TNS2: variants seen among roughly 807,000 people sequenced by gnomAD.
The protein encoded by TNS2 is tensin-2.
In TNS2, 77 loss-of-function variants were observed where a neutral mutation model predicts 155.7. The observed-to-expected ratio is 0.49, with a 90% CI of 0.41 to 0.60. The LOEUF (loss-of-function observed/expected upper bound fraction) is 0.60, where lower values mean the gene tolerates loss of function less well. Ranked by LOEUF, TNS2 falls within the 20% of genes least tolerant of loss-of-function variation. The probability of loss-of-function intolerance (pLI) is 0.00; values close to 1 mark genes in which losing one functional copy is unlikely to be tolerated. For synonymous variants in TNS2, 726 were observed against 763.9 expected (o/e 0.95, Z 0.82); for missense variants, 1,703 against 1,868.8 (o/e 0.91, Z 1.64).
rs61929184 is a variant in TNS2, at chr12:53,063,192, G to A, written c.3927G>A (p.Pro1309=). ...SSAALSCSPR[P]TPAVVHFKVS... ...CAGCTCTGAGCTGTAGCCCCCGCCCGACACCAGCTGTTGTCCACTTCAAGG... is the reference window on the plus strand; with the variant it reads ...CAGCTCTGAGCTGTAGCCCCCGCCCAACACCAGCTGTTGTCCACTTCAAGG... Residue 1309 remains proline (P), a synonymous_variant, in exon 26 of 29, where the codon CCG becomes CCA. Transcript: ENST00000314250. This position sits in a 1 kb window ranked among gnomAD's most constrained non-coding sequence, Gnocchi z 5.6. 61 of 1,612,390 alleles carry A rather than the reference G, an allele frequency of 3.8e-5. 1 individual carries two copies. Among genetic ancestry groups the A allele is most frequent in the African/African-American group, 5.3e-5 (4 of 74,836 alleles).
chr12:53,058,201 T>C, intron 14 of TNS2, 99 bp downstream of exon 14: 1 of 1,607,048 alleles, frequency 6.2e-7, no homozygotes, highest in Non-Finnish European at 8.5e-7. Context: ...GGAGAGCGAG[T>C]AGGGAGATCA....
upstream of TNS2, chr12:53,049,936 A>C: frequency 1.1e-6 from 1 of 904,244 alleles, no homozygotes; most frequent in Non-Finnish European, 1.6e-6. Flanking sequence ...CCAGCAGGGT[A>C]GATCCTGGGA....
At chr12:53,049,217 G>A (rs1331889980), upstream of TNS2, 1 of 1,605,728 alleles carries the variant, frequency 6.2e-7, no homozygotes. Flanking sequence ...CAGCTGCTGA[G>A]GAAGGAGAGC....
rs552603857 is a variant in TNS2 at position 53,058,397 on chromosome 12, G to A, written c.1177G>A (p.Gly393Arg). The A allele has an allele frequency of 1.9e-5, 31 of 1,614,022 alleles. No individual in the cohort carries two copies. Among genetic ancestry groups the A allele is most frequent in the Middle Eastern group, 1.6e-4 (1 of 6,084 alleles). The change falls in exon 15 of 29, where the codon GGA becomes AGA. Residue 393 changes from glycine to arginine, a missense_variant. Gly to Arg is a moderately radical substitution (Grantham distance 125). Transcript: ENST00000314250. ...RVQFHTCTIH[G>R]PQLTFPKDQL... is the part of the protein sequence containing the mutation. Reference sequence around the variant, plus strand: ...CCAGTTCCACACCTGCACCATCCACGGACCACAGCTCACTTTCCCCAAGGA... The same window carrying A: ...CCAGTTCCACACCTGCACCATCCACAGACCACAGCTCACTTTCCCCAAGGA...
Position 53,054,274 on chromosome 12 carries a change from T to G in TNS2, c.355T>G (p.Phe119Val). 6.2e-7 allele frequency: 1 copy of G among 1,612,754 alleles called. No individual in the cohort carries two copies. Among genetic ancestry groups the G allele is most frequent in the Non-Finnish European group, 8.5e-7 (1 of 1,179,828 alleles). ...GCGTAGGCTCCTCCTCCCCAGGAGCTTCAGCCTGGACCCGCTCATGGAGCG... is the reference window on the plus strand; with the variant it reads ...GCGTAGGCTCCTCCTCCCCAGGAGCGTCAGCCTGGACCCGCTCATGGAGCG... ...SKQRSTLPRS[F>V]SLDPLMERRW... Residue 119 changes from phenylalanine (F) to valine (V), a missense_variant, in exon 7 of 29, where the codon TTC (phenylalanine) becomes GTC (valine). By Grantham distance (50) the Phe-to-Val change is conservative. Transcript: ENST00000314250.
chr12:53,059,957 G>A lies in TNS2; in HGVS notation c.2316G>A (p.Met772Ile). ...GGCACGAGGGCTGCTCCTACACCAT[G>A]TGCCCCGAAGGCAGGTATGGGCATC... ...EEGHEGCSYT[M>I]CPEGRYGHPG... is the part of the protein sequence containing the mutation. The change falls in exon 18 of 29, where the codon ATG becomes ATA. Residue 772 changes from methionine to isoleucine, a missense_variant. By Grantham distance (10) the Met-to-Ile change is conservative. Coordinates refer to ENST00000314250, the MANE Select transcript of TNS2 (RefSeq NM_170754.4). This position sits in a 1 kb window ranked among gnomAD's most constrained non-coding sequence, Gnocchi z 4.7. 1 of 1,612,810 alleles carries A rather than the reference G, an allele frequency of 6.2e-7. No homozygotes were observed. Among genetic ancestry groups the A allele is most frequent in the Non-Finnish European group, 8.5e-7 (1 of 1,179,690 alleles).
At chr12:53,053,698 C>G in intron 4 of TNS2, 76 bp from the exon 5 acceptor site, 1 of 1,580,884 alleles carries the variant, frequency 6.3e-7, no homozygotes, top group Non-Finnish European at 8.6e-7. Flanking sequence ...TTCCCTTCCC[C>G]TGTCCCCAAG....
upstream of TNS2, chr12:53,049,752 C>T (rs1446716609): frequency 7.6e-6 from 2 of 264,674 alleles, no homozygotes; most frequent in East Asian, 2.8e-4. Context: ...CTGTTCCCCA[C>T]TTGCCCTTTA....
At chr12:53,048,976 C>G, upstream of TNS2, 1 of 531,212 alleles carries the variant, frequency 1.9e-6, no homozygotes, top group Non-Finnish European at 3.3e-6. Flanking sequence ...ACAGCTATAG[C>G]CTGTCCCAGG....
chr12:53,064,000 TGAG>T lies in TNS2; in HGVS notation c.*122_*124del. ...AGGAGAAAGCACCCTCCCTTAGGAATGAGGAGTGGGCATCAGGCCTGGGACACT... is the reference window on the plus strand; with the variant it reads ...AGGAGAAAGCACCCTCCCTTAGGAATGAGTGGGCATCAGGCCTGGGACACT... On this transcript the variant is annotated 3_prime_UTR_variant, in exon 29 of 29. Coordinates refer to ENST00000314250, the MANE Select transcript of TNS2 (RefSeq NM_170754.4). The surrounding 1 kb of genome is among the most constrained non-coding windows in gnomAD (Gnocchi z 5.6). 8 of 1,181,494 alleles carry T rather than the reference TGAG, an allele frequency of 6.8e-6. 1 individual carries two copies. In the South Asian group the frequency reaches 1.2e-4, roughly 18 times the overall value. 73.2% of individuals were successfully genotyped at this position (1,181,494 alleles called of 1,614,324 possible). A position where few individuals can be genotyped will look rare whatever the true frequency, so the allele number is the denominator to read the frequency against.
At chr12:53,057,192 T>A in intron 11 of TNS2, 96 bp downstream of exon 11, 1 of 1,351,580 alleles carries the variant, frequency 7.4e-7, no homozygotes, top group Non-Finnish European at 1.0e-6. Flanking sequence ...TTTCACTGAG[T>A]GTGCCAAGCG....
At chr12:53,058,283 G>A (rs1431372932) in intron 14 of TNS2, 33 bp from the exon 15 acceptor site, 1 of 1,612,086 alleles carries the variant, frequency 6.2e-7, no homozygotes, top group South Asian at 1.1e-5. Flanking sequence ...GAGGACATGA[G>A]GCCTGATCCG....
Position 53,055,441 on chromosome 12 carries a change from CT to C in TNS2, c.574-126del, listed in dbSNP as rs1289105375. ...TGTATGGATAAGGAAAGTGCCGAGG[CT>C]ATCATGGACAACCAGCAGACCCCCA... is the stretch of plus-strand genomic sequence containing the variant. On this transcript the variant is annotated intron_variant, in intron 8 of 28. Coordinates refer to ENST00000314250, the MANE Select transcript of TNS2 (RefSeq NM_170754.4). The C allele has an allele frequency of 2.3e-6, 3 of 1,280,822 alleles. No individual in the cohort carries two copies. In the African/African-American group the frequency reaches 4.5e-5, roughly 19 times the overall value. 79.3% of individuals were successfully genotyped at this position (1,280,822 alleles called of 1,614,324 possible). A position where few individuals can be genotyped will look rare whatever the true frequency, so the allele number is the denominator to read the frequency against.
chr12:53,049,351 T>G (rs1592238386), upstream of TNS2: 1 of 971,382 alleles, frequency 1.0e-6, no homozygotes. Context: ...TGTGAGATCA[T>G]GTCTGAAACA....
intron 11 of TNS2, 98 bp downstream of exon 11, chr12:53,057,194 T>G (rs1944191246): frequency 1.1e-5 from 15 of 1,335,340 alleles, no homozygotes; most frequent in Non-Finnish European, 1.5e-5. Flanking sequence ...TCACTGAGTG[T>G]GCCAAGCGCC....
In TNS2 at chr12:53,057,817, T is replaced by G; in HGVS notation, c.1003T>G (p.Tyr335Asp). The change falls in exon 13 of 29, where the codon TAC becomes GAC. Residue 335 changes from tyrosine to aspartate, a missense_variant. Transcript: ENST00000314250. ...AATCTACCAGTCCATGCAGCTTGTC[T>G]ACACATCTGGAGTCTAGTGAGTGCT... is the stretch of plus-strand genomic sequence containing the variant. ...LKIYQSMQLVYTSGVYHIAGP... is the reference protein window; with the variant it reads ...LKIYQSMQLVDTSGVYHIAGP... 1 of 1,613,984 alleles carries G rather than the reference T, an allele frequency of 6.2e-7. No homozygotes were observed.
intron 13 of TNS2, 86 bp downstream of exon 13, chr12:53,057,919 C>T: frequency 6.2e-7 from 1 of 1,607,856 alleles, no homozygotes; most frequent in Non-Finnish European, 8.5e-7. Context: ...CCTCCCTAGA[C>T]ACCTGGGCAG....
Position 53,060,778 on chromosome 12 carries a change from C to G in TNS2, c.2872C>G (p.Pro958Ala). 5 of 1,612,190 alleles carry G rather than the reference C, an allele frequency of 3.1e-6. No individual in the cohort carries two copies. The highest frequency in any genetic ancestry group is 4.2e-6 in the Non-Finnish European group (5 of 1,179,078). ...PVSQAGTGKA[P>A]ELPSGSGPEP... is the part of the protein sequence containing the mutation. ...TTCCCAGGCAGGCACCGGAAAGGCC[C>G]CTGAGCTGCCGTCGGGAAGTGGGCC... The change falls in exon 20 of 29, where the codon CCT becomes GCT. Residue 958 changes from proline (P) to alanine (A), a missense_variant. Coordinates refer to ENST00000314250, the MANE Select transcript of TNS2 (RefSeq NM_170754.4). The surrounding 1 kb of genome is among the most constrained non-coding windows in gnomAD (Gnocchi z 6.1).
chr12:53,057,599 G>C lies in TNS2; in HGVS notation c.878G>C (p.Gly293Ala). 1 of 1,613,752 alleles carries C rather than the reference G, an allele frequency of 6.2e-7. No homozygotes were observed. Among genetic ancestry groups the C allele is most frequent in the Non-Finnish European group, 8.5e-7 (1 of 1,179,776 alleles). ...YISYFSGLLSGSIRMNSSPLF... is the reference protein window; with the variant it reads ...YISYFSGLLSASIRMNSSPLF... ...AGCTACTTCAGTGGGCTGCTATCTGGCTCCATCAGAATGAACAGCAGCCCT... is the reference window on the plus strand; with the variant it reads ...AGCTACTTCAGTGGGCTGCTATCTGCCTCCATCAGAATGAACAGCAGCCCT... The change falls in exon 12 of 29, where the codon GGC (glycine) becomes GCC (alanine). Residue 293 changes from glycine to alanine, a missense_variant. Gly to Ala is a moderately conservative substitution (Grantham distance 60, BLOSUM62 0). Coordinates refer to ENST00000314250, the MANE Select transcript of TNS2 (RefSeq NM_170754.4).
Sources: allele counts gnomAD v4.1 joint callset, GRCh38; gene constraint gnomAD v4.1.1; non-coding constraint Gnocchi (gnomAD v3.1); transcripts MANE v1.5; gene names NCBI Gene and HGNC (gene_info 2026-07-23, HGNC 2026-07-21).